The following PTPRU variants were observed in gnomAD, a reference collection of about 807,000 sequenced individuals.
PTPRU encodes protein tyrosine phosphatase receptor type U.
In PTPRU, 69 loss-of-function variants were observed where a neutral mutation model predicts 166.3. That is an observed-to-expected ratio of 0.41 (90% CI 0.34 to 0.51). The LOEUF (loss-of-function observed/expected upper bound fraction) is 0.51. PTPRU is among the 20% of genes least tolerant of loss of function. PTPRU has a pLI of 0.09. For synonymous variants in PTPRU, 793 were observed against 814.0 expected (o/e 0.97, Z 0.44); for missense variants, 1,657 against 2,013.7 (o/e 0.82, Z 3.39).
At chr1:29,318,129 G>A (rs1252078157) in intron 25 of PTPRU, among the ~76,000 whole-genome samples, 2 of 152,202 alleles carry the variant, frequency 1.3e-5, no homozygotes, top group Non-Finnish European at 2.9e-5. Context: ...CCTCAGTGGG[G>A]TCTGGTTGTG....
chr1:29,283,398 C>A (rs528476449), intron 12 of PTPRU, among the ~76,000 whole-genome samples: 7 of 151,804 alleles, frequency 4.6e-5, no homozygotes, highest in African/African-American at 1.7e-4. Flanking sequence ...AGCACTACCC[C>A]CTTCCTGAGC....
At chr1:29,249,166 A>ACACACGCACACCTGCACACACT (rs1553362412) in intron 1 of PTPRU, among the ~76,000 whole-genome samples, 1 of 151,420 alleles carries the variant, frequency 6.6e-6, no homozygotes, top group African/African-American at 2.4e-5. Context: ...GTGCACACAC[A>ACACACGCACACCTGCACACACT]CACACGCACA....
chr1:29,292,286 G>A (rs868456480), intron 15 of PTPRU, among the ~76,000 whole-genome samples: 16 of 152,324 alleles, frequency 1.1e-4, no homozygotes, highest in Middle Eastern at 3.4e-3. Context: ...AGGAGGTGCT[G>A]CTGTAGGATC....
intron 7 of PTPRU, among the ~76,000 whole-genome samples, chr1:29,272,356 G>T (rs1027006865): frequency 1.5e-4 from 23 of 152,124 alleles, no homozygotes; most frequent in African/African-American, 5.3e-4. Context: ...CCAGTCAGGA[G>T]GCAGGCTTTG....
In PTPRU at chr1:29,291,911, G is replaced by A; in HGVS notation, c.2361G>A (p.Gln787=). 1 of 1,614,148 alleles carries A rather than the reference G, an allele frequency of 6.2e-7. No homozygotes were observed. Among genetic ancestry groups the A allele is most frequent in the Non-Finnish European group, 8.5e-7 (1 of 1,180,028 alleles). Residue 787 remains glutamine (Q), a synonymous_variant, in exon 15 of 30, where the codon CAG becomes CAA. Coordinates refer to ENST00000373779, the MANE Select transcript of PTPRU (RefSeq NM_133178.4). This position sits in a 1 kb window ranked among gnomAD's most constrained non-coding sequence, Gnocchi z 4.1. The part of the protein sequence containing the change: ...NMTKATVNYR[Q]EKTHMMSAVD... Reference sequence around the variant, plus strand: ...CCAAGGCCACCGTCAACTACCGCCAGGAGAAGACACACATGATGAGCGCCG... The same window carrying A: ...CCAAGGCCACCGTCAACTACCGCCAAGAGAAGACACACATGATGAGCGCCG...
chr1:29,324,437 G>T (rs1253191931), intron 28 of PTPRU, among the ~76,000 whole-genome samples: 1 of 152,200 alleles, frequency 6.6e-6, no homozygotes, highest in Non-Finnish European at 1.5e-5. Flanking sequence ...CACCCCACAC[G>T]TGGAGTCACA....
intron 12 of PTPRU, among the ~76,000 whole-genome samples, chr1:29,283,209 C>T (rs1211253362): frequency 8.2e-5 from 12 of 146,892 alleles, no homozygotes; most frequent in Admixed American, 2.1e-4. Flanking sequence ...CCTCCTTTTG[C>T]CCACCTCCCA....
intron 8 of PTPRU, among the ~76,000 whole-genome samples, chr1:29,278,577 T>C (rs1166256604): frequency 6.6e-6 from 1 of 152,214 alleles, no homozygotes. Context: ...TAATTAGAAA[T>C]TTTTAGACGA....
At position 29,326,054 on chromosome 1, in the gene PTPRU, C is replaced by A; in HGVS notation, c.*393C>A. 1 of 403,732 alleles carries A rather than the reference C, an allele frequency of 2.5e-6. No individual in the cohort carries two copies. The highest frequency in any genetic ancestry group is 3.6e-5 in the East Asian group (1 of 28,064). 25.0% of individuals were successfully genotyped at this position (403,732 alleles called of 1,614,324 possible). On this transcript the variant is annotated 3_prime_UTR_variant, in exon 30 of 30. Transcript: ENST00000373779. Reference sequence around the variant, plus strand: ...GAGGCCCTGCAGAGAGCATCCCAGGCCAAGGTTCCCACTCAGCCTGCCCCC... The same window carrying A: ...GAGGCCCTGCAGAGAGCATCCCAGGACAAGGTTCCCACTCAGCCTGCCCCC...
chr1:29,322,758 A>G (rs1222308927), intron 26 of PTPRU, among the ~76,000 whole-genome samples: 1 of 152,094 alleles, frequency 6.6e-6, no homozygotes, highest in East Asian at 1.9e-4. Flanking sequence ...GGCTCAGGAT[A>G]CTTAGCCTGG....
intron 7 of PTPRU, among the ~76,000 whole-genome samples, chr1:29,263,412 A>G (rs902611945): frequency 6.6e-6 from 1 of 152,240 alleles, no homozygotes; most frequent in African/African-American, 2.4e-5. Flanking sequence ...GTCATTCATC[A>G]GTTGATGGAA....
intron 1 of PTPRU, among the ~76,000 whole-genome samples, chr1:29,243,439 C>T (rs1684145924): frequency 6.6e-6 from 1 of 152,256 alleles, no homozygotes; most frequent in Non-Finnish European, 1.5e-5. Context: ...CTCCAAATCA[C>T]CAGGCAAATT....
chr1:29,272,607 A>T (rs893498610), intron 7 of PTPRU, among the ~76,000 whole-genome samples: 5 of 152,148 alleles, frequency 3.3e-5, no homozygotes, highest in Non-Finnish European at 7.4e-5. Flanking sequence ...AATTAATCAC[A>T]TAAAAAATGC....
chr1:29,286,967 C>T (rs753678336), intron 14 of PTPRU, among the ~76,000 whole-genome samples: 2 of 152,178 alleles, frequency 1.3e-5, no homozygotes, highest in Admixed American at 6.5e-5. Flanking sequence ...CAGGGCCTTC[C>T]GTGCTCCTCA....
intron 14 of PTPRU, among the ~76,000 whole-genome samples, chr1:29,290,369 G>A (rs1438195695): frequency 2.6e-5 from 4 of 152,322 alleles, no homozygotes; most frequent in African/African-American, 7.2e-5. Flanking sequence ...CTGAGGCTCA[G>A]AGAGACCAAG....
chr1:29,311,414 G>A lies in PTPRU; in HGVS notation c.2858-42G>A. Reference sequence around the variant, plus strand: ...GCTGGATGTGCTGACCTGGGGTGGAGACCTTGTCTCAGGGACAGGCACCCT... The same window carrying A: ...GCTGGATGTGCTGACCTGGGGTGGAAACCTTGTCTCAGGGACAGGCACCCT... On this transcript the variant is annotated intron_variant, in intron 19 of 29. Coordinates refer to ENST00000373779, the MANE Select transcript of PTPRU (RefSeq NM_133178.4). This position sits in a 1 kb window ranked among gnomAD's most constrained non-coding sequence, Gnocchi z 4.1. 6.3e-7 allele frequency: 1 copy of A among 1,599,074 alleles called. No homozygotes were observed. Among genetic ancestry groups the A allele is most frequent in the South Asian group, 1.1e-5 (1 of 90,694 alleles).
Position 29,260,565 on chromosome 1 carries a change from C to T in PTPRU, c.851-45C>T. 7.0e-7 allele frequency: 1 copy of T among 1,421,090 alleles called. No homozygotes were observed. The highest frequency in any genetic ancestry group is 9.4e-7 in the Non-Finnish European group (1 of 1,069,126). 88.0% of individuals were successfully genotyped at this position (1,421,090 alleles called of 1,614,324 possible). A position where few individuals can be genotyped will look rare whatever the true frequency, so the allele number is the denominator to read the frequency against. ...AACTCAGAGTTGGGTGCTGGGGTCT[C>T]ACAGCAGCATCGGTCCGCCTCGCCT... On this transcript the variant is annotated intron_variant, in intron 6 of 29. Coordinates refer to ENST00000373779, the MANE Select transcript of PTPRU (RefSeq NM_133178.4). The surrounding 1 kb of genome is among the most constrained non-coding windows in gnomAD (Gnocchi z 8.3).
At chr1:29,299,927 G>T (rs1010153161) in intron 15 of PTPRU, among the ~76,000 whole-genome samples, 1 of 152,150 alleles carries the variant, frequency 6.6e-6, no homozygotes, top group African/African-American at 2.4e-5. Flanking sequence ...TTACAGCAGA[G>T]AAGCACCAAG....
At chr1:29,248,721 GAC>G (rs1684405895) in intron 1 of PTPRU, among the ~76,000 whole-genome samples, 2 of 152,060 alleles carry the variant, frequency 1.3e-5, no homozygotes, top group Admixed American at 1.3e-4. Context: ...TGTTCACACT[GAC>G]ACATACACGT....
Sources: allele counts gnomAD v4.1 joint callset (sites outside exome capture counted in the v4.1 genomes callset), GRCh38; gene constraint gnomAD v4.1.1; non-coding constraint Gnocchi (gnomAD v3.1); transcripts MANE v1.5; gene names NCBI Gene and HGNC (gene_info 2026-07-23, HGNC 2026-07-21).